The following STAU2 variants were observed in gnomAD, a reference collection of about 807,000 sequenced individuals.
STAU2 encodes staufen double-stranded RNA binding protein 2, also known as double-stranded RNA-binding protein Staufen homolog 2.
A neutral mutation model predicts 65.9 loss-of-function variants in STAU2; 20 were observed. The observed-to-expected ratio is 0.30, with a 90% CI of 0.21 to 0.44. STAU2 has a LOEUF of 0.44. STAU2 is among the 20% of genes least tolerant of loss of function. The probability of loss-of-function intolerance (pLI) is 1.00; values close to 1 mark genes in which losing one functional copy is unlikely to be tolerated. For missense variants in STAU2, 558 were observed against 683.9 expected (o/e 0.82, Z 2.05); for synonymous variants, 232 against 233.9 (o/e 0.99, Z 0.07).
At chr8:73,713,717 T>C (rs181221578) in intron 3 of STAU2, among the ~76,000 whole-genome samples, 33 of 152,158 alleles carry the variant, frequency 2.2e-4, no homozygotes, top group African/African-American at 7.5e-4. Context: ...AGAATAAAAC[T>C]ATGTGACCAG....
intron 13 of STAU2, among the ~76,000 whole-genome samples, chr8:73,535,630 AG>A (rs1385960280): frequency 1.3e-5 from 2 of 152,356 alleles, no homozygotes; most frequent in East Asian, 3.9e-4. Context: ...CATGTCTACC[AG>A]AAAAGGCACT....
intron 13 of STAU2, among the ~76,000 whole-genome samples, chr8:73,430,123 C>T (rs944794635): frequency 5.3e-5 from 8 of 152,242 alleles, no homozygotes; most frequent in Non-Finnish European, 1.2e-4. Context: ...CTTGTTCCCT[C>T]CTCCATTTCT....
intron 13 of STAU2, among the ~76,000 whole-genome samples, chr8:73,533,825 C>A (rs1222844348): frequency 6.6e-6 from 1 of 152,006 alleles, no homozygotes; most frequent in Non-Finnish European, 1.5e-5. Context: ...GAGGGGCCAT[C>A]CAAATAAAAA....
chr8:73,594,084 G>A (rs1385786449), intron 11 of STAU2, among the ~76,000 whole-genome samples: 2 of 152,096 alleles, frequency 1.3e-5, no homozygotes, highest in Non-Finnish European at 2.9e-5. Context: ...TCACTCACCA[G>A]TTTTAAGTCA....
chr8:73,651,316 G>A, intron 6 of STAU2: 1 of 678,462 alleles, frequency 1.5e-6, no homozygotes, highest in Non-Finnish European at 2.7e-6. Context: ...CCACGGAGCA[G>A]GTCCGTGGCT....
In STAU2 at chr8:73,422,647, C is replaced by T. The variant is rs1816469202; in HGVS notation, c.1586G>A (p.Gly529Glu). Residue 529 changes from glycine (G) to glutamate (E), a missense_variant, in exon 14 of 15, where the codon GGA becomes GAA. Coordinates refer to ENST00000524300, the MANE Select transcript of STAU2 (RefSeq NM_001164380.2). ...AGAACCTTTTTCGATATTCATTGCT[C>T]CATCGATTGGATCCAGTCCTTGTTC... is the stretch of plus-strand genomic sequence containing the variant. ...FSEQGLDPID[G>E]AMNIEKGSLE... The T allele has an allele frequency of 2.6e-6, 4 of 1,515,028 alleles. No homozygotes were observed. In the East Asian group the frequency reaches 1.0e-4, roughly 38 times the overall value. 93.8% of individuals were successfully genotyped at this position (1,515,028 alleles called of 1,614,324 possible). A position where few individuals can be genotyped will look rare whatever the true frequency, so the allele number is the denominator to read the frequency against.
At chr8:73,592,579 C>T (rs1002568150) in intron 11 of STAU2, among the ~76,000 whole-genome samples, 1 of 152,156 alleles carries the variant, frequency 6.6e-6, no homozygotes, top group Non-Finnish European at 1.5e-5. Context: ...GAAATACCAA[C>T]CAGGTGAGGT....
chr8:73,531,183 T>C (rs192412893), intron 13 of STAU2, among the ~76,000 whole-genome samples: 40 of 152,250 alleles, frequency 2.6e-4, no homozygotes, highest in Non-Finnish European at 1.5e-5. Flanking sequence ...GTGTACACTG[T>C]CCCTCCTCTA....
At chr8:73,421,722 G>A (rs1048543028) in intron 14 of STAU2, among the ~76,000 whole-genome samples, 1 of 152,106 alleles carries the variant, frequency 6.6e-6, no homozygotes, top group Admixed American at 6.5e-5. Context: ...TTCTTCTCAC[G>A]CTCTCACCTT....
rs1471127774 is a variant in STAU2 at position 73,687,247 on chromosome 8, T to TAAATTAATTTATA, written c.274+1394_274+1406dup. ...ACTTAAATATAAATTAATTTAAATA[T>TAAATTAATTTATA]AAATTAATTTATATTTCTATTAATT... On this transcript the variant is annotated intron_variant, in intron 5 of 14. Transcript: ENST00000524300. 2.8e-5 allele frequency among the ~76,000 whole-genome samples: 3 copies of TAAATTAATTTATA among 106,504 alleles called. No individual in the cohort carries two copies. In the East Asian group the frequency reaches 7.0e-4, roughly 25 times the overall value. The allele number at this position is 106,504 out of a possible 152,430, so 69.9% of individuals were successfully genotyped here.
At chr8:73,734,342 T>G (rs900054623) in intron 3 of STAU2, among the ~76,000 whole-genome samples, 7 of 150,458 alleles carry the variant, frequency 4.7e-5, no homozygotes, top group Non-Finnish European at 7.4e-5. Context: ...ATGATCACAA[T>G]TTAAAGGCAG....
chr8:73,651,541 C>A (rs1190358669), intron 6 of STAU2: 2 of 842,508 alleles, frequency 2.4e-6, no homozygotes, highest in Non-Finnish European at 3.9e-6. Flanking sequence ...CTGGCCTTGC[C>A]AATGGCCTGC....
intron 4 of STAU2, among the ~76,000 whole-genome samples, chr8:73,698,254 A>C (rs1207362974): frequency 6.6e-6 from 1 of 152,142 alleles, no homozygotes; most frequent in Non-Finnish European, 1.5e-5. Flanking sequence ...AAGGAAGAAA[A>C]GACTGAAAAC....
intron 1 of STAU2, among the ~76,000 whole-genome samples, chr8:73,741,427 TATTAGAGGCTGATAAC>T (rs1586394509): frequency 1.3e-5 from 2 of 152,134 alleles, no homozygotes; most frequent in East Asian, 3.8e-4. Context: ...ATTTCTTCAA[TATTAGAGGCTGATAAC>T]ACTGGTGGCT....
At chr8:73,626,732 A>T (rs1813670137) in intron 6 of STAU2, among the ~76,000 whole-genome samples, 1 of 152,192 alleles carries the variant, frequency 6.6e-6, no homozygotes, top group Non-Finnish European at 1.5e-5. Context: ...GAGGAGCTGG[A>T]ATTAACCAGT....
At chr8:73,677,760 T>C (rs551294919) in intron 5 of STAU2, among the ~76,000 whole-genome samples, 1 of 152,328 alleles carries the variant, frequency 6.6e-6, no homozygotes, top group African/African-American at 2.4e-5. Context: ...AACTGTAATG[T>C]GCCCTTGTCT....
intron 3 of STAU2, among the ~76,000 whole-genome samples, chr8:73,721,257 T>A (rs1011919986): frequency 5.7e-5 from 6 of 104,568 alleles, no homozygotes; most frequent in African/African-American, 2.2e-4. Context: ...ACCACTTCAC[T>A]ACAGCGTGAA....
At position 73,421,667 on chromosome 8, in the gene STAU2, C is replaced by A. The variant is rs547394875; in HGVS notation, c.1620-202G>T. On this transcript the variant is annotated intron_variant, in intron 14 of 14. Coordinates refer to ENST00000524300, the MANE Select transcript of STAU2 (RefSeq NM_001164380.2). ...ATTAAATTAGCTTATAAATGGTTGA[C>A]AATCTATAGACAACTTAAAATGCCA... is the stretch of plus-strand genomic sequence containing the variant. 7.9e-5 allele frequency among the ~76,000 whole-genome samples: 12 copies of A among 152,324 alleles called. No homozygotes were observed. In the South Asian group the frequency reaches 2.3e-3, roughly 29 times the overall value.
intron 13 of STAU2, chr8:73,550,573 A>G (rs1369137365): frequency 1.0e-6 from 1 of 979,674 alleles, no homozygotes; most frequent in Admixed American, 6.2e-5. Context: ...TTTATTTCTA[A>G]TTCATCCTAC....
Sources: gnomAD v4.1 joint callset for allele counts (sites outside exome capture counted in the v4.1 genomes callset) on GRCh38, gnomAD v4.1.1 for gene constraint, MANE v1.5 for transcripts, NCBI Gene and HGNC (gene_info 2026-07-23, HGNC 2026-07-21) for gene names.